Variants in TRPM3 observed in about 807,000 individuals in gnomAD.
TRPM3 encodes the protein long transient receptor potential channel 3.
In TRPM3, 77 loss-of-function variants were observed where a neutral mutation model predicts 181.2. That is an observed-to-expected ratio of 0.42 (90% CI 0.35 to 0.51). TRPM3 has a LOEUF of 0.51. Ranked by LOEUF, TRPM3 falls within the 20% of genes least tolerant of loss-of-function variation. The pLI is 0.01. For synonymous variants in TRPM3, 745 were observed against 796.4 expected (o/e 0.94, Z 1.09); for missense variants, 1,759 against 2,196.7 (o/e 0.80, Z 3.98).
intron 8 of TRPM3, among the ~76,000 whole-genome samples, chr9:70,695,853 T>G: frequency 6.6e-6 from 1 of 152,296 alleles, no homozygotes; most frequent in East Asian, 1.9e-4. Context: ...TGGAGAACCA[T>G]GCAGGCGGAA....
chr9:71,363,621 G>A (rs540457518), intron 1 of TRPM3, among the ~76,000 whole-genome samples: 62 of 152,238 alleles, frequency 4.1e-4, no homozygotes, highest in East Asian at 1.7e-3. Flanking sequence ...CCCAGAAAAC[G>A]TAAAAATGTG....
At chr9:70,898,042 A>C (rs566768645) in intron 1 of TRPM3, among the ~76,000 whole-genome samples, 20 of 152,184 alleles carry the variant, frequency 1.3e-4, no homozygotes, top group Middle Eastern at 3.4e-3. Context: ...GATACAATAA[A>C]TGACTCATTA....
intron 1 of TRPM3, among the ~76,000 whole-genome samples, chr9:71,255,981 T>G (rs1431420846): frequency 6.6e-6 from 1 of 152,150 alleles, no homozygotes; most frequent in Non-Finnish European, 1.5e-5. Flanking sequence ...AAAAATCGAT[T>G]TATTGCTTCT....
intron 1 of TRPM3, among the ~76,000 whole-genome samples, chr9:71,324,847 A>T (rs181396185): frequency 6.6e-6 from 1 of 152,294 alleles, no homozygotes; most frequent in East Asian, 1.9e-4. Context: ...CATTATCTTA[A>T]GTGAAACAAA....
At chr9:71,381,843 C>T (rs368647558) in intron 1 of TRPM3, among the ~76,000 whole-genome samples, 2 of 152,124 alleles carry the variant, frequency 1.3e-5, no homozygotes, top group East Asian at 3.9e-4. Context: ...GGTTTCTCAT[C>T]TTTCTTATTT....
At chr9:70,554,221 C>G (rs1368739705) in intron 22 of TRPM3, among the ~76,000 whole-genome samples, 1 of 152,152 alleles carries the variant, frequency 6.6e-6, no homozygotes, top group Non-Finnish European at 1.5e-5. Context: ...GCTGCACAGA[C>G]AATGTGGCTC....
chr9:71,177,885 G>C (rs2077191791), intron 1 of TRPM3, among the ~76,000 whole-genome samples: 1 of 150,670 alleles, frequency 6.6e-6, no homozygotes, highest in African/African-American at 2.4e-5. Flanking sequence ...TAAACTATAG[G>C]GAGCTGTATT....
chr9:70,792,905 T>G (rs551683066), intron 6 of TRPM3, among the ~76,000 whole-genome samples: 3 of 152,186 alleles, frequency 2.0e-5, no homozygotes, highest in Non-Finnish European at 4.4e-5. Flanking sequence ...CTACTCAATT[T>G]TGTATAATTA....
chr9:71,427,224 C>T (rs1190456760), intron 1 of TRPM3, among the ~76,000 whole-genome samples: 2 of 152,112 alleles, frequency 1.3e-5, no homozygotes, highest in Non-Finnish European at 2.9e-5. Flanking sequence ...TCTCCTTAAA[C>T]CCTCCTCAGT....
At chr9:70,822,495 A>C (rs930802541) in intron 6 of TRPM3, among the ~76,000 whole-genome samples, 2 of 152,130 alleles carry the variant, frequency 1.3e-5, no homozygotes, top group Admixed American at 6.5e-5. Context: ...TAAAATAGGC[A>C]AATGCATAAA....
intron 1 of TRPM3, among the ~76,000 whole-genome samples, chr9:71,393,586 C>T (rs1377108788): frequency 1.3e-5 from 2 of 152,278 alleles, no homozygotes; most frequent in South Asian, 2.1e-4. Context: ...CCAAGCCAGT[C>T]GTGTCTGCAA....
At chr9:71,201,691 C>T (rs1313693528) in intron 1 of TRPM3, among the ~76,000 whole-genome samples, 1 of 152,192 alleles carries the variant, frequency 6.6e-6, no homozygotes, top group Non-Finnish European at 1.5e-5. Context: ...CTGCATTCTT[C>T]ATGTAGTTCT....
intron 1 of TRPM3, among the ~76,000 whole-genome samples, chr9:70,953,010 C>T (rs1338164166): frequency 2.6e-5 from 4 of 152,146 alleles, no homozygotes. Flanking sequence ...CAAAGATAGG[C>T]ACTTCTACCT....
chr9:71,028,984 C>G (rs1451308144), intron 1 of TRPM3, among the ~76,000 whole-genome samples: 1 of 152,194 alleles, frequency 6.6e-6, no homozygotes, highest in East Asian at 1.9e-4. Context: ...ACATTCTTTT[C>G]ATTGCCACAT....
At chr9:71,166,326 G>T (rs564434655) in intron 1 of TRPM3, among the ~76,000 whole-genome samples, 1 of 152,258 alleles carries the variant, frequency 6.6e-6, no homozygotes, top group South Asian at 2.1e-4. Flanking sequence ...GGTGGAACCA[G>T]AAGGAAACGA....
rs186631589 is a variant in TRPM3, at chr9:71,047,355, C to T, written c.177+73823G>A. Among the ~76,000 whole-genome samples the T allele has an allele frequency of 3.0e-3, 454 of 152,148 alleles. 3 individuals carry two copies. The highest frequency in any genetic ancestry group is 0.01 in the African/African-American group (433 of 41,514). On this transcript the variant is annotated intron_variant, in intron 1 of 25. Transcript: ENST00000677713. Reference sequence around the variant, plus strand: ...TATGATCCTACTTTTTCTAGATTTTCTTCTAAGCACTCATATCCTCTAGCC... The same window carrying T: ...TATGATCCTACTTTTTCTAGATTTTTTTCTAAGCACTCATATCCTCTAGCC...
intron 1 of TRPM3, among the ~76,000 whole-genome samples, chr9:71,186,050 T>C (rs988977484): frequency 6.6e-6 from 1 of 152,036 alleles, no homozygotes. Flanking sequence ...CTAGTATTCG[T>C]TGGTTTGCAG....
chr9:70,897,596 A>T (rs2096297163), intron 1 of TRPM3, among the ~76,000 whole-genome samples: 2 of 152,144 alleles, frequency 1.3e-5, no homozygotes, highest in African/African-American at 2.4e-5. Flanking sequence ...TTTTGAAGAG[A>T]AAATTGTTTT....
intron 22 of TRPM3, among the ~76,000 whole-genome samples, chr9:70,566,690 A>G (rs1222269137): frequency 6.6e-6 from 1 of 152,160 alleles, no homozygotes; most frequent in African/African-American, 2.4e-5. Flanking sequence ...CTTACATGAA[A>G]TAGGGAATGG....
Sources: gnomAD v4.1 joint callset for allele counts (sites outside exome capture counted in the v4.1 genomes callset) on GRCh38, gnomAD v4.1.1 for gene constraint, MANE v1.5 for transcripts, NCBI Gene and HGNC (gene_info 2026-07-23, HGNC 2026-07-21) for gene names.